MED23: variants seen among roughly 807,000 people sequenced by gnomAD.
The protein encoded by MED23 is mediator complex subunit 23.
Under a neutral mutation model 163.9 loss-of-function variants are expected in MED23, and 105 were observed. The ratio of observed to expected loss-of-function variants is 0.64; its 90% CI spans 0.55 to 0.75. The LOEUF (loss-of-function observed/expected upper bound fraction) is 0.75. MED23 is among the 30% of genes least tolerant of loss of function. The probability of loss-of-function intolerance (pLI) is 0.00; values close to 1 mark genes in which losing one functional copy is unlikely to be tolerated. For missense variants in MED23, 1,054 were observed against 1,649.0 expected (o/e 0.64, Z 6.25); for synonymous variants, 561 against 565.6 (o/e 0.99, Z 0.12).
Position 131,608,080 on chromosome 6 carries a change from G to T in MED23, c.1078-9C>A. 1.2e-6 allele frequency: 2 copies of T among 1,613,390 alleles called. No individual in the cohort carries two copies. Among genetic ancestry groups the T allele is most frequent in the Middle Eastern group, 1.7e-4 (1 of 6,058 alleles). On this transcript the variant is annotated splice_polypyrimidine_tract_variant and intron_variant, in intron 11 of 28. Transcript: ENST00000368068. ...AGTCCTCGCCCTGCTAACTATAAAA[G>T]ATGTTTAAATACACATGTATACACT...
intron 15 of MED23, among the ~76,000 whole-genome samples, chr6:131,603,505 TTTA>T (rs1161684919): frequency 6.6e-6 from 1 of 152,134 alleles, no homozygotes; most frequent in African/African-American, 2.4e-5. Flanking sequence ...TCTGATATCT[TTTA>T]TTTTTAGACA....
intron 25 of MED23, 68 bp from the exon 26 acceptor site, chr6:131,591,595 A>C (rs1474164980): frequency 8.4e-7 from 1 of 1,185,992 alleles, no homozygotes; most frequent in African/African-American, 1.5e-5. Context: ...AGTCTAAAGT[A>C]ATAGTGTTTT....
chr6:131,607,925 T>C lies in MED23; in HGVS notation c.1221+3A>G, dbSNP rs772511555. The C allele has an allele frequency of 1.2e-6, 2 of 1,613,676 alleles. No homozygotes were observed. The highest frequency in any genetic ancestry group is 2.2e-5 in the South Asian group (2 of 91,078). On this transcript the variant is annotated splice_donor_region_variant and intron_variant, in intron 12 of 28. Coordinates refer to ENST00000368068, the MANE Select transcript of MED23 (RefSeq NM_004830.4). ...TTATGAATAGTTACTCAGTAAAGCT[T>C]ACTTCTTTTTCTGGGTATAGCAAGT...
At chr6:131,605,145 A>G in intron 14 of MED23, 95 bp downstream of exon 14, 7 of 1,342,646 alleles carry the variant, frequency 5.2e-6, no homozygotes, top group Admixed American at 3.6e-5. Flanking sequence ...GTACCTGACT[A>G]TGAAATAATA....
downstream of MED23, among the ~76,000 whole-genome samples, chr6:131,586,122 A>G (rs1239279447): frequency 2.0e-5 from 3 of 152,204 alleles, no homozygotes; most frequent in Admixed American, 6.5e-5. Flanking sequence ...GGGGCCGGGC[A>G]CAGTGGCTCA....
Position 131,598,006 on chromosome 6 carries a change from G to A in MED23, c.2607+281C>T, listed in dbSNP as rs1286214907. On this transcript the variant is annotated intron_variant, in intron 20 of 28. Transcript: ENST00000368068. The surrounding 1 kb of genome is among the most constrained non-coding windows in gnomAD (Gnocchi z 4.7). ...GCTACTCAGGAGGCTGAGGCAGGAG[G>A]AGATTGCTTGAGACCAGGAGGTTGA... is the stretch of plus-strand genomic sequence containing the variant. Among the ~76,000 whole-genome samples, 1 of 152,020 alleles carries A rather than the reference G, an allele frequency of 6.6e-6. No homozygotes were observed. The highest frequency in any genetic ancestry group is 1.9e-4 in the East Asian group (1 of 5,176).
chr6:131,598,494 C>G lies in MED23; in HGVS notation c.2427-27G>C. 6.2e-7 allele frequency: 1 copy of G among 1,613,970 alleles called. No homozygotes were observed. Among genetic ancestry groups the G allele is most frequent in the South Asian group, 1.1e-5 (1 of 91,064 alleles). ...TGGAAGGCAGAGAGTAAAACATAAA[C>G]TCCATTGTTGTATGGATACAACAAT... On this transcript the variant is annotated intron_variant, in intron 19 of 28. Coordinates refer to ENST00000368068, the MANE Select transcript of MED23 (RefSeq NM_004830.4). This position sits in a 1 kb window ranked among gnomAD's most constrained non-coding sequence, Gnocchi z 4.7.
chr6:131,575,849 A>G (rs376875406), intron 30 of MED23, among the ~76,000 whole-genome samples: 2 of 152,144 alleles, frequency 1.3e-5, no homozygotes, highest in East Asian at 1.9e-4. Flanking sequence ...TTCCCATCAT[A>G]CTGTTAAGCA....
intron 17 of MED23, among the ~76,000 whole-genome samples, chr6:131,601,779 CT>C (rs990893378): frequency 2.6e-4 from 39 of 152,032 alleles, no homozygotes; most frequent in Admixed American, 1.4e-3. Context: ...AGAAAATATA[CT>C]TTTTTTATAA....
intron 17 of MED23, among the ~76,000 whole-genome samples, chr6:131,601,502 T>C (rs1001213239): frequency 1.2e-4 from 18 of 152,198 alleles, no homozygotes; most frequent in African/African-American, 3.9e-4. Flanking sequence ...GGGTTTTGGA[T>C]TCCATATTGC....
At chr6:131,619,714 C>G in intron 8 of MED23, 113 bp downstream of exon 8, 1 of 811,202 alleles carries the variant, frequency 1.2e-6, no homozygotes, top group Non-Finnish European at 2.1e-6. Flanking sequence ...TAGAGAGTCA[C>G]CAAAATGACA....
intron 10 of MED23, among the ~76,000 whole-genome samples, chr6:131,612,398 CT>C (rs757345562): frequency 2.6e-5 from 4 of 152,000 alleles, no homozygotes; most frequent in Non-Finnish European, 4.4e-5. Flanking sequence ...TTAAGACTCT[CT>C]ACTACATAGC....
At chr6:131,615,189 T>G (rs932876780) in intron 10 of MED23, 79 of 791,586 alleles carry the variant, frequency 1.0e-4, no homozygotes, top group Non-Finnish European at 1.4e-4. Context: ...AAATCGTTTT[T>G]TAGTGGCCTT....
In MED23 at chr6:131,627,665, TC is replaced by T; in HGVS notation, c.46del (p.Glu16LysfsTer3). The T allele has an allele frequency of 1.3e-6, 2 of 1,590,844 alleles. No individual in the cohort carries two copies. Among genetic ancestry groups the T allele is most frequent in the Non-Finnish European group, 1.7e-6 (2 of 1,170,532 alleles). Reference sequence around the variant, plus strand: ...CCCAGGAAAAGCCTCTTCTATAACTTCCGTTTTCTGTAAAAAAAAAAAAAAC... The same window carrying T: ...CCCAGGAAAAGCCTCTTCTATAACTTCGTTTTCTGTAAAAAAAAAAAAAAC... ...QSIFEEVVKT[E>X]VIEEAFPGMF... is the part of the protein sequence containing the mutation. On this transcript the variant is annotated frameshift_variant, in exon 2 of 29. Coordinates refer to ENST00000368068, the MANE Select transcript of MED23 (RefSeq NM_004830.4). LOFTEE classifies it high-confidence loss of function.
chr6:131,574,196 T>C, exon 31 of MED23: 1 of 1,418,264 alleles, frequency 7.1e-7, no homozygotes, highest in Non-Finnish European at 1.0e-6. Context: ...AATGTATGAG[T>C]TGAAACTACT....
In MED23 at chr6:131,605,204, C is replaced by T. The variant is rs188373307; in HGVS notation, c.1613+36G>A. On this transcript the variant is annotated intron_variant, in intron 14 of 28. Transcript: ENST00000368068. Reference sequence around the variant, plus strand: ...GGTTTATACTATACTCGTATCAATTCCCTGACATGGAACCAAATTAATAAA... The same window carrying T: ...GGTTTATACTATACTCGTATCAATTTCCTGACATGGAACCAAATTAATAAA... 6.5e-4 allele frequency: 1,036 copies of T among 1,605,976 alleles called. 5 individuals are homozygous for T. In the African/African-American group the frequency reaches 0.013, roughly 19 times the overall value.
At chr6:131,627,010 T>C (rs7740743) in intron 3 of MED23, 5,418 of 168,922 alleles carry the variant, frequency 0.032, 316 homozygotes, top group African/African-American at 0.12. Flanking sequence ...GTAGCATCTT[T>C]GTATCAATGC....
Position 131,587,980 on chromosome 6 carries a change from TG to T in MED23, c.3940-135del, listed in dbSNP as rs1161192093. On this transcript the variant is annotated intron_variant, in intron 28 of 28. Coordinates refer to ENST00000368068, the MANE Select transcript of MED23 (RefSeq NM_004830.4). ...GGGGTAGATGAGAAGTTTCTTAACA[TG>T]TTCTGTGTTTTAAGAAAAGCAGATA... 1.6e-5 allele frequency: 12 copies of T among 739,074 alleles called. No individual in the cohort carries two copies. In the African/African-American group the frequency reaches 1.8e-4, roughly 11 times the overall value. The allele number at this position is 739,074 out of a possible 1,614,324, so 45.8% of individuals were successfully genotyped here. A position where few individuals can be genotyped will look rare whatever the true frequency, so the allele number is the denominator to read the frequency against.
chr6:131,579,283 C>T (rs1338975137), intron 30 of MED23: 2 of 1,613,774 alleles, frequency 1.2e-6, no homozygotes, highest in African/African-American at 1.3e-5. Flanking sequence ...GCGGAGACCA[C>T]AGGTCTTGTT....
Sources: gnomAD v4.1 joint callset for allele counts (sites outside exome capture counted in the v4.1 genomes callset) on GRCh38, gnomAD v4.1.1 for gene constraint, Gnocchi (gnomAD v3.1) non-coding constraint, MANE v1.5 for transcripts, NCBI Gene and HGNC (gene_info 2026-07-23, HGNC 2026-07-21) for gene names.